Variants in CCDC59 observed in about 807,000 individuals in gnomAD.
The protein encoded by CCDC59 is thyroid transcription factor 1-associated protein 26.
CCDC59 carries 27 observed loss-of-function variants against 30.5 expected under a neutral mutation model. That is an observed-to-expected ratio of 0.89 (90% CI 0.65 to 1.22). The LOEUF (loss-of-function observed/expected upper bound fraction) is 1.22. Among genes scored for constraint, CCDC59 ranks in the 50% most tolerant of loss-of-function variants. The pLI is 0.00. For synonymous variants in CCDC59, 125 were observed against 100.9 expected, an observed-to-expected ratio of 1.24 and a Z score of -1.43; for missense variants, 362 against 284.4, an observed-to-expected ratio of 1.27 and a Z score of -1.96.
intron 1 of CCDC59, among the ~76,000 whole-genome samples, chr12:82,357,591 A>G (rs191111869): frequency 3.4e-4 from 52 of 152,334 alleles, no homozygotes; most frequent in African/African-American, 1.2e-3. Context: ...TAGTTCATCT[A>G]AAACACTTAA....
At position 82,358,381 on chromosome 12, in the gene CCDC59, G is replaced by C; in HGVS notation, c.-5C>G. On this transcript the variant is annotated 5_prime_UTR_variant, in exon 1 of 4. Coordinates refer to ENST00000256151, the MANE Select transcript of CCDC59 (RefSeq NM_014167.5). ...GGACCGCCTCACCGGCGCCATTGCA[G>C]CCGACTAACTGCGTCATCAGAAGAC... 1 of 1,612,964 alleles carries C rather than the reference G, an allele frequency of 6.2e-7. No homozygotes were observed. The highest frequency in any genetic ancestry group is 1.1e-5 in the South Asian group (1 of 91,084).
rs747534553 is a variant in CCDC59 at position 82,357,281 on chromosome 12, A to C, written c.155-12T>G. 4.8e-6 allele frequency: 7 copies of C among 1,473,124 alleles called. No homozygotes were observed. The South Asian group carries it at 8.3e-5, about 18-fold the overall frequency. The allele number at this position is 1,473,124 out of a possible 1,614,324, so 91.3% of individuals were successfully genotyped here. On this transcript the variant is annotated splice_polypyrimidine_tract_variant and intron_variant, in intron 1 of 3. Coordinates refer to ENST00000256151, the MANE Select transcript of CCDC59 (RefSeq NM_014167.5). ...AGCAAAGCCTTGTCCTACATTGAGGAATATCATCCAAAATTACTTTCAGAG... is the reference window on the plus strand; with the variant it reads ...AGCAAAGCCTTGTCCTACATTGAGGCATATCATCCAAAATTACTTTCAGAG...
chr12:82,358,771 C>T (rs1379692002), upstream of CCDC59: 1 of 1,613,212 alleles, frequency 6.2e-7, no homozygotes, highest in East Asian at 2.2e-5. Context: ...GCGTCGGAGA[C>T]GGAGGCCCTG....
intron 2 of CCDC59, among the ~76,000 whole-genome samples, chr12:82,356,682 C>T (rs1470793133): frequency 6.6e-6 from 1 of 152,138 alleles, no homozygotes; most frequent in African/African-American, 2.4e-5. Flanking sequence ...ATAGTCATAA[C>T]ATATGGTCCA....
Position 82,353,057 on chromosome 12 carries a change from G to T in CCDC59, c.*94C>A. Reference sequence around the variant, plus strand: ...ATATTTAGCATAGTTTAGCAATCCAGTTTATGTCGACAAATTTAGTTCACT... The same window carrying T: ...ATATTTAGCATAGTTTAGCAATCCATTTTATGTCGACAAATTTAGTTCACT... On this transcript the variant is annotated 3_prime_UTR_variant, in exon 4 of 4. Coordinates refer to ENST00000256151, the MANE Select transcript of CCDC59 (RefSeq NM_014167.5). The T allele has an allele frequency of 1.0e-6, 1 of 967,508 alleles. No individual in the cohort carries two copies. The highest frequency in any genetic ancestry group is 2.5e-5 in the East Asian group (1 of 40,338). 59.9% of individuals were successfully genotyped at this position (967,508 alleles called of 1,614,324 possible). A position where few individuals can be genotyped will look rare whatever the true frequency, so the allele number is the denominator to read the frequency against.
At chr12:82,354,898 G>A (rs905214986) in intron 2 of CCDC59, 1 of 187,154 alleles carries the variant, frequency 5.3e-6, no homozygotes, top group African/African-American at 2.4e-5. Context: ...CTTTAATCTC[G>A]AAGTTTTCTG....
chr12:82,358,185 A>G, intron 1 of CCDC59, 38 bp downstream of exon 1: 1 of 1,613,062 alleles, frequency 6.2e-7, no homozygotes, highest in Non-Finnish European at 8.5e-7. Context: ...AAAACTTAGC[A>G]AGCCTGAGGA....
intron 2 of CCDC59, chr12:82,355,504 C>T (rs1880981261): frequency 6.6e-6 from 1 of 152,132 alleles, no homozygotes; most frequent in African/African-American, 2.4e-5. Context: ...TTCTATACAT[C>T]AAATTGTGAA....
chr12:82,356,139 T>C (rs1173469908), intron 2 of CCDC59: 1 of 152,160 alleles, frequency 6.6e-6, no homozygotes, highest in African/African-American at 2.4e-5. Flanking sequence ...AAAGATACGG[T>C]TTTAATGAAG....
chr12:82,358,741 T>C, upstream of CCDC59: 7 of 1,613,838 alleles, frequency 4.3e-6, no homozygotes, highest in Non-Finnish European at 5.9e-6. Context: ...GAGACAGTGC[T>C]GGCTGCGCTG....
rs373368346 is a variant in CCDC59, at chr12:82,358,332, A to C, written c.45T>G (p.Ile15Met). The C allele has an allele frequency of 5.0e-5, 80 of 1,613,970 alleles. No individual in the cohort carries two copies. The African/African-American group carries it at 9.5e-4, about 19-fold the overall frequency. ...TGGAAACCCCTTCACCACGCGCCTC[A>C]ATACCACCAGGCCGCCACTTCGCGG... ...RRSAKWRPGGIEARGEGVSTV... is the reference protein window; with the variant it reads ...RRSAKWRPGGMEARGEGVSTV... Residue 15 changes from isoleucine (I) to methionine (M), a missense_variant, in exon 1 of 4, where the codon ATT (isoleucine) becomes ATG (methionine). Ile to Met is a conservative substitution (Grantham distance 10, BLOSUM62 1). Coordinates refer to ENST00000256151, the MANE Select transcript of CCDC59 (RefSeq NM_014167.5).
intron 2 of CCDC59, 96 bp from the exon 3 acceptor site, chr12:82,354,690 T>A: frequency 9.9e-7 from 1 of 1,014,780 alleles, no homozygotes; most frequent in Non-Finnish European, 1.3e-6. Context: ...ATATATTAAA[T>A]AAAAGGCACA....
Position 82,353,111 on chromosome 12 carries a change from T to C in CCDC59, c.*40A>G, listed in dbSNP as rs1173254123. 1 of 1,538,584 alleles carries C rather than the reference T, an allele frequency of 6.5e-7. No individual in the cohort carries two copies. Among genetic ancestry groups the C allele is most frequent in the Non-Finnish European group, 8.8e-7 (1 of 1,138,346 alleles). ...GGGAGGCACATGTCACAGAAGAACC[T>C]AATAGGCAGCAGATATTTTAACCTG... On this transcript the variant is annotated 3_prime_UTR_variant, in exon 4 of 4. Coordinates refer to ENST00000256151, the MANE Select transcript of CCDC59 (RefSeq NM_014167.5).
In CCDC59 at chr12:82,354,731, A is replaced by C. The variant is rs557348660; in HGVS notation, c.465-137T>G. The C allele has an allele frequency of 3.6e-5, 23 of 641,332 alleles. No homozygotes were observed. The South Asian group carries it at 9.1e-4, about 25-fold the overall frequency. 39.7% of individuals were successfully genotyped at this position (641,332 alleles called of 1,614,324 possible). On this transcript the variant is annotated intron_variant, in intron 2 of 3. Transcript: ENST00000256151. ...GGATTCTTAGAGAAATATTTCAACT[A>C]GGAAAAAATATAGAAAGCTATGAAA...
At chr12:82,353,809 G>T (rs1205499884) in intron 3 of CCDC59, among the ~76,000 whole-genome samples, 1 of 151,708 alleles carries the variant, frequency 6.6e-6, no homozygotes, top group Non-Finnish European at 1.5e-5. Flanking sequence ...ATATCTTTAG[G>T]GTATTTTTAA....
At position 82,352,338 on chromosome 12, in the gene CCDC59, T is replaced by A. The variant is rs1417542915; in HGVS notation, c.*813A>T. On this transcript the variant is annotated 3_prime_UTR_variant, in exon 4 of 4. Transcript: ENST00000256151. The stretch of plus-strand genomic sequence containing the variant: ...TTTATAAAATTTTATTATTCAATAT[T>A]TGGCAAGTATTATTGGTCAGCCCTT... 1 of 152,244 alleles carries A rather than the reference T, an allele frequency of 6.6e-6. No homozygotes were observed. Among genetic ancestry groups the A allele is most frequent in the Non-Finnish European group, 1.5e-5 (1 of 68,030 alleles). The allele number at this position is 152,244 out of a possible 1,614,324, so 9.4% of individuals were successfully genotyped here.
chr12:82,358,629 G>A (rs749709750), upstream of CCDC59: 7 of 1,613,950 alleles, frequency 4.3e-6, no homozygotes, highest in Non-Finnish European at 5.9e-6. Context: ...CAAGTTGCAG[G>A]GACTGCTGCA....
In CCDC59 at chr12:82,358,254, G is replaced by A. The variant is rs371939886; in HGVS notation, c.123C>T (p.His41=). 1 of 1,614,180 alleles carries A rather than the reference G, an allele frequency of 6.2e-7. No homozygotes were observed. Among genetic ancestry groups the A allele is most frequent in the Admixed American group, 1.7e-5 (1 of 60,026 alleles). ...GAACGCTCCCCACGAAGGCTTGCGG[G>A]TGGTTAGGCCGCCATGTCTTCTGTC... ...NVRQKTWRPN[H]PQAFVGSVRE... The change falls in exon 1 of 4, where the codon CAC becomes CAT. Residue 41 remains histidine (H), a synonymous_variant. Coordinates refer to ENST00000256151, the MANE Select transcript of CCDC59 (RefSeq NM_014167.5).
rs769613818 is a variant in CCDC59 at position 82,358,325 on chromosome 12, G to T, written c.52C>A (p.Arg18Ser). The T allele has an allele frequency of 2.5e-6, 4 of 1,613,910 alleles. No individual in the cohort carries two copies. Among genetic ancestry groups the T allele is most frequent in the Non-Finnish European group, 3.4e-6 (4 of 1,180,032 alleles). The change falls in exon 1 of 4, where the codon CGT becomes AGT. Residue 18 changes from arginine (R) to serine (S), a missense_variant. Physicochemically the swap from Arg to Ser is moderately radical, Grantham distance 110. Transcript: ENST00000256151. ...AKWRPGGIEARGEGVSTVGYR... is the reference protein window; with the variant it reads ...AKWRPGGIEASGEGVSTVGYR... ...CCGACAGTGGAAACCCCTTCACCAC[G>T]CGCCTCAATACCACCAGGCCGCCAC...
Sources: gnomAD v4.1 joint callset for allele counts (sites outside exome capture counted in the v4.1 genomes callset) on GRCh38, gnomAD v4.1.1 for gene constraint, MANE v1.5 for transcripts, NCBI Gene and HGNC (gene_info 2026-07-23, HGNC 2026-07-21) for gene names.